TAGAP: variants seen among roughly 807,000 people sequenced by gnomAD.
TAGAP encodes the protein T-cell activation Rho GTPase-activating protein.
A neutral mutation model predicts 36.0 loss-of-function variants in TAGAP; 16 were observed. That is an observed-to-expected ratio of 0.44 (90% CI 0.30 to 0.68). The LOEUF (loss-of-function observed/expected upper bound fraction) is 0.68. Among genes scored for constraint, TAGAP ranks in the 30% least tolerant of loss-of-function variants. The probability of loss-of-function intolerance (pLI) is 0.09; values close to 1 mark genes in which losing one functional copy is unlikely to be tolerated. For missense variants in TAGAP, 794 were observed against 921.5 expected, an observed-to-expected ratio of 0.86 and a Z score of 1.79; for synonymous variants, 372 against 377.4, an observed-to-expected ratio of 0.99 and a Z score of 0.17.
At position 159,036,556 on chromosome 6, in the gene TAGAP, C is replaced by G. The variant is rs1377826662; in HGVS notation, c.1467G>C (p.Gln489His). ...CTTTCTCTGTCTTTGTGGTGAAAGA[C>G]TGATGTCTGCTGAAGAAATTTCTTT... ...SPKRNFFSRH[Q>H]SFTTKTEKGK... Residue 489 changes from glutamine (Q) to histidine (H), a missense_variant, in exon 10 of 10, where the codon CAG (glutamine) becomes CAC (histidine). Transcript: ENST00000367066. The surrounding 1 kb of genome is among the most constrained non-coding windows in gnomAD (Gnocchi z 4.9). The G allele has an allele frequency of 1.3e-5, 21 of 1,614,010 alleles. No homozygotes were observed. Among genetic ancestry groups the G allele is most frequent in the African/African-American group, 2.7e-5 (2 of 74,914 alleles).
rs1779555489 is a variant in TAGAP at position 159,036,819 on chromosome 6, C to T, written c.1204G>A (p.Gly402Arg). ...CCTACCCGGGGCACGGGGAAGTCCC[C>T]TTCACTCTTTGTTAGTGTTTGGTTT... ...VTNQTLTKSEGDFPVPRVGSR... is the reference protein window; with the variant it reads ...VTNQTLTKSERDFPVPRVGSR... The change falls in exon 10 of 10, where the codon GGG becomes AGG. Residue 402 changes from glycine to arginine, a missense_variant. Gly to Arg is a moderately radical substitution (Grantham distance 125, BLOSUM62 -2). Coordinates refer to ENST00000367066, the MANE Select transcript of TAGAP (RefSeq NM_054114.5). This position sits in a 1 kb window ranked among gnomAD's most constrained non-coding sequence, Gnocchi z 4.9. 6.2e-7 allele frequency: 1 copy of T among 1,614,128 alleles called. No homozygotes were observed. The highest frequency in any genetic ancestry group is 1.3e-5 in the African/African-American group (1 of 74,950).
At position 159,038,145 on chromosome 6, in the gene TAGAP, A is replaced by C. The variant is rs765484870; in HGVS notation, c.867T>G (p.Ser289=). Reference sequence around the variant, plus strand: ...TGTCAGTGTGCTCCAGGGAGTCATCAGAAGTGATACTGGAATGCACTGGAA... The same window carrying C: ...TGTCAGTGTGCTCCAGGGAGTCATCCGAAGTGATACTGGAATGCACTGGAA... The part of the protein sequence containing the change: ...ENIPVHSSIT[S]DDSLEHTDSS... Residue 289 remains serine, a synonymous_variant, in exon 9 of 10, where the codon TCT becomes TCG. Coordinates refer to ENST00000367066, the MANE Select transcript of TAGAP (RefSeq NM_054114.5). 1 of 1,613,276 alleles carries C rather than the reference A, an allele frequency of 6.2e-7. No individual in the cohort carries two copies. Among genetic ancestry groups the C allele is most frequent in the Admixed American group, 1.7e-5 (1 of 60,004 alleles).
At position 159,037,274 on chromosome 6, in the gene TAGAP, C is replaced by T. The variant is rs1161423410; in HGVS notation, c.899-150G>A. On this transcript the variant is annotated intron_variant, in intron 9 of 9. Coordinates refer to ENST00000367066, the MANE Select transcript of TAGAP (RefSeq NM_054114.5). This position sits in a 1 kb window ranked among gnomAD's most constrained non-coding sequence, Gnocchi z 5.1. ...TGATGTGATCTCGGCTCACTGCAAC[C>T]TCTACCTCCCGGGTTCAAGTGATTC... 8.0e-6 allele frequency: 5 copies of T among 626,880 alleles called. No individual in the cohort carries two copies. Among genetic ancestry groups the T allele is most frequent in the Non-Finnish European group, 1.2e-5 (5 of 408,882 alleles). 38.8% of individuals were successfully genotyped at this position (626,880 alleles called of 1,614,324 possible).
Position 159,036,997 on chromosome 6 carries a change from C to G in TAGAP, c.1026G>C (p.Leu342Phe), listed in dbSNP as rs768645169. Residue 342 changes from leucine (L) to phenylalanine (F), a missense_variant, in exon 10 of 10, where the codon TTG (leucine) becomes TTC (phenylalanine). By Grantham distance (22) the Leu-to-Phe change is conservative. Transcript: ENST00000367066. This position sits in a 1 kb window ranked among gnomAD's most constrained non-coding sequence, Gnocchi z 4.9. ...GGGCATCCTGTGGGCCCGCGCTATC[C>G]AAGCCAGCAGCTGTGGCCATGGGCA... ...PQVPMATAAG[L>F]DSAGPQDARE... 1.2e-6 allele frequency: 2 copies of G among 1,613,776 alleles called. No individual in the cohort carries two copies. Among genetic ancestry groups the G allele is most frequent in the African/African-American group, 1.3e-5 (1 of 75,004 alleles).
rs1320599795 is a variant in TAGAP at position 159,042,191 on chromosome 6, A to G, written c.202T>C (p.Ser68Pro). The change falls in exon 5 of 10, where the codon TCC becomes CCC. Residue 68 changes from serine (S) to proline (P), a missense_variant. Ser to Pro is a moderately conservative substitution (Grantham distance 74). Transcript: ENST00000367066. ...LSWPFLMRRLSPASDFSGALE... is the reference protein window; with the variant it reads ...LSWPFLMRRLPPASDFSGALE... ...GCCCCAGAAAAATCTGATGCAGGGG[A>G]GAGCCTTCTCATGAGAAAGGGCCAG... The G allele has an allele frequency of 6.2e-7, 1 of 1,614,204 alleles. No homozygotes were observed. The highest frequency in any genetic ancestry group is 1.7e-5 in the Admixed American group (1 of 60,024).
intron 1 of TAGAP, 21 bp downstream of exon 1, chr6:159,044,858 G>C (rs1400050457): frequency 7.5e-6 from 3 of 398,454 alleles, no homozygotes; most frequent in African/African-American, 2.1e-5. Flanking sequence ...TTCTAGGCAT[G>C]TTAATATATA....
rs765083633 is a variant in TAGAP at position 159,039,117 on chromosome 6, G to C, written c.780C>G (p.Asn260Lys). 1 of 1,614,200 alleles carries C rather than the reference G, an allele frequency of 6.2e-7. No individual in the cohort carries two copies. Among genetic ancestry groups the C allele is most frequent in the South Asian group, 1.1e-5 (1 of 91,082 alleles). ...CTCATCAGTAAGCAGAACAAACCTT[G>C]TTGTTCAGGTCCTTCTGGGCTTCAA... ...LSFEAQKDLN[N>K]KVKTLVEFLI... Residue 260 changes from asparagine to lysine, a missense_variant, in exon 8 of 10, where the codon AAC becomes AAG. Transcript: ENST00000367066.
rs1779751045 is a variant in TAGAP at position 159,041,532 on chromosome 6, T to C, written c.316-17A>G. On this transcript the variant is annotated splice_polypyrimidine_tract_variant and intron_variant, in intron 5 of 9. Transcript: ENST00000367066. The surrounding 1 kb of genome is among the most constrained non-coding windows in gnomAD (Gnocchi z 4.1). The stretch of plus-strand genomic sequence containing the variant: ...GAGAATGTCCTAAAGGAAACAGCAA[T>C]AGGAACAGGAAAGGGTTACCCTTCT... 9 of 1,611,108 alleles carry C rather than the reference T, an allele frequency of 5.6e-6. No individual in the cohort carries two copies. Among genetic ancestry groups the C allele is most frequent in the Non-Finnish European group, 6.8e-6 (8 of 1,178,734 alleles).
chr6:159,044,832 C>T lies in TAGAP; in HGVS notation c.-59+47G>A, dbSNP rs546064856. The stretch of plus-strand genomic sequence containing the variant: ...TGTGATCTGAGTGACCTGTGACTTG[C>T]GAGGCAGCTTGTAATTTCTAGGCAT... On this transcript the variant is annotated intron_variant, in intron 1 of 9. Coordinates refer to ENST00000367066, the MANE Select transcript of TAGAP (RefSeq NM_054114.5). The T allele has an allele frequency of 1.6e-4, 63 of 397,598 alleles. No homozygotes were observed. The East Asian group carries it at 2.1e-3, about 13-fold the overall frequency. 24.6% of individuals were successfully genotyped at this position (397,598 alleles called of 1,614,324 possible). A position where few individuals can be genotyped will look rare whatever the true frequency, so the allele number is the denominator to read the frequency against.
In TAGAP at chr6:159,041,079, T is replaced by C; in HGVS notation, c.478-247A>G. The C allele has an allele frequency of 1.7e-6, 1 of 586,588 alleles. No homozygotes were observed. Among genetic ancestry groups the C allele is most frequent in the South Asian group, 2.3e-5 (1 of 43,402 alleles). The allele number at this position is 586,588 out of a possible 1,614,324, so 36.3% of individuals were successfully genotyped here. Reference sequence around the variant, plus strand: ...AGGTGGGTGTGTTCTGAGGGGCCACTGGATTTTGACGTATGGATTCTGCCA... The same window carrying C: ...AGGTGGGTGTGTTCTGAGGGGCCACCGGATTTTGACGTATGGATTCTGCCA... On this transcript the variant is annotated intron_variant, in intron 6 of 9. Coordinates refer to ENST00000367066, the MANE Select transcript of TAGAP (RefSeq NM_054114.5). This position sits in a 1 kb window ranked among gnomAD's most constrained non-coding sequence, Gnocchi z 4.1.
Position 159,036,157 on chromosome 6 carries a change from G to A in TAGAP, c.1866C>T (p.Ser622=), listed in dbSNP as rs1779526246. 1 of 1,612,834 alleles carries A rather than the reference G, an allele frequency of 6.2e-7. No homozygotes were observed. Residue 622 remains serine, a synonymous_variant, in exon 10 of 10, where the codon AGC becomes AGT. Coordinates refer to ENST00000367066, the MANE Select transcript of TAGAP (RefSeq NM_054114.5). The surrounding 1 kb of genome is among the most constrained non-coding windows in gnomAD (Gnocchi z 4.9). ...GCGCCTCCAGCATCCTCGCCCTCAT[G>A]CTCCCCACCGTCATGCTCCCCACGG... ...SQTVGSMTVG[S]MRARMLEAHC... is the part of the protein sequence containing the mutation.
chr6:159,036,603 C>T lies in TAGAP; in HGVS notation c.1420G>A (p.Val474Met), dbSNP rs762949562. 2.7e-5 allele frequency: 44 copies of T among 1,614,024 alleles called. No homozygotes were observed. The highest frequency in any genetic ancestry group is 3.6e-5 in the Non-Finnish European group (42 of 1,180,004). The change falls in exon 10 of 10, where the codon GTG becomes ATG. Residue 474 changes from valine (V) to methionine (M), a missense_variant. Coordinates refer to ENST00000367066, the MANE Select transcript of TAGAP (RefSeq NM_054114.5). This position sits in a 1 kb window ranked among gnomAD's most constrained non-coding sequence, Gnocchi z 4.9. ...SLDASSDSSP[V>M]ASPSSPKRNF... ...CTTTTGGGACTGGAAGGAGAAGCCA[C>T]GGGCGAGCTGTCAGAGGACGCGTCC...
chr6:159,039,182 G>A lies in TAGAP; in HGVS notation c.715C>T (p.Pro239Ser). The A allele has an allele frequency of 6.2e-7, 1 of 1,614,178 alleles. No individual in the cohort carries two copies. ...DSSNLAICIG[P>S]NMLTLENDQS... ...TCATTCTCCAGGGTGAGCATGTTGG[G>A]TCCAATGCAGATGGCCAGATTGCTG... is the stretch of plus-strand genomic sequence containing the variant. The change falls in exon 8 of 10, where the codon CCC becomes TCC. Residue 239 changes from proline (P) to serine (S), a missense_variant. Transcript: ENST00000367066.
At position 159,035,736 on chromosome 6, in the gene TAGAP, C is replaced by G; in HGVS notation, c.*91G>C. On this transcript the variant is annotated 3_prime_UTR_variant, in exon 10 of 10. Transcript: ENST00000367066. The stretch of plus-strand genomic sequence containing the variant: ...CCACAACTTTCTCAAGGAGCTTATT[C>G]AAGACCTTTTAAAAACAATCTACAG... The G allele has an allele frequency of 2.2e-6, 3 of 1,358,834 alleles. No homozygotes were observed. The East Asian group carries it at 7.2e-5, about 33-fold the overall frequency. 84.2% of individuals were successfully genotyped at this position (1,358,834 alleles called of 1,614,324 possible).
At position 159,043,622 on chromosome 6, in the gene TAGAP, A is replaced by T; in HGVS notation, c.115T>A (p.Cys39Ser). The T allele has an allele frequency of 6.2e-7, 1 of 1,614,124 alleles. No homozygotes were observed. The highest frequency in any genetic ancestry group is 1.3e-5 in the African/African-American group (1 of 75,072). The change falls in exon 4 of 10, where the codon TGT becomes AGT. Residue 39 changes from cysteine (C) to serine (S), a missense_variant. Physicochemically the swap from Cys to Ser is moderately radical, Grantham distance 112. Transcript: ENST00000367066. Reference sequence around the variant, plus strand: ...TGGCAAATACTGTCTTCACTCTCACATGATGCCAACAGGGGATGTTCCTTG... The same window carrying T: ...TGGCAAATACTGTCTTCACTCTCACTTGATGCCAACAGGGGATGTTCCTTG... ...DIKEHPLLAS[C>S]ESEDSICQLI...
rs1412729674 is a variant in TAGAP at position 159,037,175 on chromosome 6, T to C, written c.899-51A>G. On this transcript the variant is annotated intron_variant, in intron 9 of 9. Transcript: ENST00000367066. The surrounding 1 kb of genome is among the most constrained non-coding windows in gnomAD (Gnocchi z 5.1). ...ACATTTGTTTGGGTTTATTTATTTA[T>C]TTATTTTTATTTGTATTTTTTATTT... 1 of 1,406,548 alleles carries C rather than the reference T, an allele frequency of 7.1e-7. No homozygotes were observed. Among genetic ancestry groups the C allele is most frequent in the Non-Finnish European group, 9.4e-7 (1 of 1,066,626 alleles). 87.1% of individuals were successfully genotyped at this position (1,406,548 alleles called of 1,614,324 possible). A position where few individuals can be genotyped will look rare whatever the true frequency, so the allele number is the denominator to read the frequency against.
intron 6 of TAGAP, 146 bp from the exon 7 acceptor site, chr6:159,040,978 C>T: frequency 1.5e-6 from 1 of 648,084 alleles, no homozygotes; most frequent in South Asian, 2.0e-5. Flanking sequence ...TTGATGAATC[C>T]AGGGAACCCT....
intron 7 of TAGAP, among the ~76,000 whole-genome samples, chr6:159,040,497 G>A (rs1261223929): frequency 6.6e-6 from 1 of 152,130 alleles, no homozygotes; most frequent in Non-Finnish European, 1.5e-5. Flanking sequence ...ATTGAAGTTC[G>A]CTTTCTACTT....
rs781249991 is a variant in TAGAP at position 159,036,419 on chromosome 6, G to A, written c.1604C>T (p.Thr535Ile). The A allele has an allele frequency of 6.2e-7, 1 of 1,614,180 alleles. No homozygotes were observed. The highest frequency in any genetic ancestry group is 8.5e-7 in the Non-Finnish European group (1 of 1,180,028). ...SAGSGKSQDF[T>I]RDHVPRGVRK... ...GACACCCCTCGGGACGTGGTCCCTG[G>A]TAAAGTCTTGCGATTTCCCAGAGCC... is the stretch of plus-strand genomic sequence containing the variant. The change falls in exon 10 of 10, where the codon ACC (threonine) becomes ATC (isoleucine). Residue 535 changes from threonine to isoleucine, a missense_variant. Coordinates refer to ENST00000367066, the MANE Select transcript of TAGAP (RefSeq NM_054114.5). This position sits in a 1 kb window ranked among gnomAD's most constrained non-coding sequence, Gnocchi z 4.9.
Sources: allele counts gnomAD v4.1 joint callset (sites outside exome capture counted in the v4.1 genomes callset), GRCh38; gene constraint gnomAD v4.1.1; non-coding constraint Gnocchi (gnomAD v3.1); transcripts MANE v1.5; gene names NCBI Gene and HGNC (gene_info 2026-07-23, HGNC 2026-07-21).